CAMKMT: variants seen among roughly 807,000 people sequenced by gnomAD.
CAMKMT encodes the protein calmodulin-lysine N-methyltransferase, also known as CaM KMT.
A neutral mutation model predicts 48.0 loss-of-function variants in CAMKMT; 53 were observed. That is an observed-to-expected ratio of 1.10 (90% confidence interval 0.89 to 1.39). The LOEUF is 1.39. CAMKMT is among the 40% of genes most tolerant of loss of function. CAMKMT has a pLI of 0.00. For synonymous variants in CAMKMT, 165 were observed against 152.3 expected (o/e 1.08, Z -0.61); for missense variants, 428 against 402.7 (o/e 1.06, Z -0.54).
chr2:44,691,933 G>A (rs1676677394), intron 3 of CAMKMT, among the ~76,000 whole-genome samples: 1 of 152,162 alleles, frequency 6.6e-6, no homozygotes, highest in Non-Finnish European at 1.5e-5. Flanking sequence ...GATGTTCTTT[G>A]TGACCTGGCT....
At chr2:44,753,249 C>CAAAAAAAAAAA (rs772390371) in intron 8 of CAMKMT, among the ~76,000 whole-genome samples, 2 of 65,442 alleles carry the variant, frequency 3.1e-5, no homozygotes, top group Admixed American at 1.9e-4. Flanking sequence ...CCTGTCCCTA[C>CAAAAAAAAAAA]AAAAAAAAAA....
chr2:44,740,108 C>A (rs1679589122), intron 7 of CAMKMT, among the ~76,000 whole-genome samples: 1 of 145,308 alleles, frequency 6.9e-6, no homozygotes, highest in African/African-American at 2.6e-5. Context: ...TATGGAAGTT[C>A]TTAACTGATT....
At chr2:44,707,311 G>T in intron 5 of CAMKMT, 88 bp from the exon 6 acceptor site, 1 of 1,063,040 alleles carries the variant, frequency 9.4e-7, no homozygotes, top group Admixed American at 1.9e-5. Context: ...GAGGAAGCAT[G>T]ATACTGAAGG....
At chr2:44,402,746 T>TTG (rs1553380304) in intron 3 of CAMKMT, among the ~76,000 whole-genome samples, 8 of 149,082 alleles carry the variant, frequency 5.4e-5, no homozygotes, top group South Asian at 2.1e-4. Context: ...TGCTGTTTTT[T>TTG]TTTTTTTTTT....
intron 10 of CAMKMT, among the ~76,000 whole-genome samples, chr2:44,770,887 C>T (rs1239734418): frequency 6.6e-6 from 1 of 152,244 alleles, no homozygotes; most frequent in Non-Finnish European, 1.5e-5. Flanking sequence ...GAAGTCACCT[C>T]AGTGACTGTA....
At chr2:44,606,476 A>G (rs949014486) in intron 3 of CAMKMT, among the ~76,000 whole-genome samples, 4 of 152,212 alleles carry the variant, frequency 2.6e-5, no homozygotes, top group African/African-American at 9.6e-5. Context: ...AGATCCACAG[A>G]CTGGTACTAG....
chr2:44,469,760 A>T (rs1225205379), intron 3 of CAMKMT, among the ~76,000 whole-genome samples: 1 of 151,658 alleles, frequency 6.6e-6, no homozygotes, highest in Admixed American at 6.6e-5. Flanking sequence ...TCACATTTTC[A>T]GTTTTTATTT....
chr2:44,523,813 T>C (rs1377786735), intron 3 of CAMKMT, among the ~76,000 whole-genome samples: 1 of 130,978 alleles, frequency 7.6e-6, no homozygotes, highest in Non-Finnish European at 1.6e-5. Context: ...AGTCTCGCCC[T>C]GTCACCCAGG....
Position 44,480,722 on chromosome 2 carries a change from G to A in CAMKMT, c.376+90417G>A, listed in dbSNP as rs181539089. The stretch of plus-strand genomic sequence containing the variant: ...ATCTTAACGTATTTTGAAGGGAATA[G>A]GTTAAACTGTTACTCTTTTGGAGCT... On this transcript the variant is annotated intron_variant, in intron 3 of 10. Coordinates refer to ENST00000378494, the MANE Select transcript of CAMKMT (RefSeq NM_024766.5). Among the ~76,000 whole-genome samples the A allele has an allele frequency of 1.3e-3, 192 of 152,188 alleles. 3 individuals are homozygous for A. Among genetic ancestry groups the A allele is most frequent in the African/African-American group, 4.5e-3 (185 of 41,540 alleles).
intron 3 of CAMKMT, among the ~76,000 whole-genome samples, chr2:44,445,067 CA>C (rs1666899489): frequency 6.6e-6 from 1 of 152,098 alleles, no homozygotes; most frequent in South Asian, 2.1e-4. Context: ...TAGTTTCTGC[CA>C]ATTAAGCCAA....
chr2:44,710,304 A>C (rs926602920), intron 6 of CAMKMT, among the ~76,000 whole-genome samples: 5 of 152,034 alleles, frequency 3.3e-5, no homozygotes, highest in Non-Finnish European at 7.4e-5. Flanking sequence ...TTCCAACTTG[A>C]CTCTGAAAAG....
At chr2:44,534,788 A>G in intron 3 of CAMKMT, among the ~76,000 whole-genome samples, 1 of 152,106 alleles carries the variant, frequency 6.6e-6, no homozygotes, top group East Asian at 1.9e-4. Context: ...AAGATTTCAA[A>G]TAAATAATCT....
intron 3 of CAMKMT, among the ~76,000 whole-genome samples, chr2:44,613,323 C>T (rs1671694801): frequency 6.6e-6 from 1 of 152,144 alleles, no homozygotes; most frequent in Admixed American, 6.5e-5. Context: ...TGCCATACCC[C>T]ACCTCTCAGG....
At chr2:44,753,249 C>CAAAAAAAAAAAAAAAAAAAAAAAAAAAAA (rs772390371) in intron 8 of CAMKMT, among the ~76,000 whole-genome samples, 1 of 65,462 alleles carries the variant, frequency 1.5e-5, no homozygotes, top group Non-Finnish European at 2.9e-5. Flanking sequence ...CCTGTCCCTA[C>CAAAAAAAAAAAAAAAAAAAAAAAAAAAAA]AAAAAAAAAA....
chr2:44,621,006 C>A (rs1428899693), intron 3 of CAMKMT, among the ~76,000 whole-genome samples: 5 of 152,172 alleles, frequency 3.3e-5, no homozygotes, highest in Admixed American at 6.5e-5. Context: ...CGGTGGCTCA[C>A]GCCTATAATC....
intron 9 of CAMKMT, among the ~76,000 whole-genome samples, chr2:44,760,890 C>A (rs561297503): frequency 2.6e-5 from 4 of 152,280 alleles, no homozygotes; most frequent in Admixed American, 6.5e-5. Flanking sequence ...GAGAAGAGGA[C>A]AATGAATGGA....
At chr2:44,542,853 A>C (rs1455415366) in intron 3 of CAMKMT, among the ~76,000 whole-genome samples, 1 of 152,108 alleles carries the variant, frequency 6.6e-6, no homozygotes, top group Non-Finnish European at 1.5e-5. Flanking sequence ...TGTGTGTGGG[A>C]GATAAAACTG....
chr2:44,373,537 G>C (rs1679384161), intron 2 of CAMKMT, among the ~76,000 whole-genome samples: 1 of 152,116 alleles, frequency 6.6e-6, no homozygotes, highest in South Asian at 2.1e-4. Context: ...TGCCTTTTCT[G>C]ACAGTATTTC....
chr2:44,595,156 A>G (rs929953730), intron 3 of CAMKMT, among the ~76,000 whole-genome samples: 1 of 151,982 alleles, frequency 6.6e-6, no homozygotes, highest in East Asian at 1.9e-4. Context: ...GAAACAACAG[A>G]TGCTGGAGAG....
Sources: gnomAD v4.1 joint callset for allele counts (sites outside exome capture counted in the v4.1 genomes callset) on GRCh38, gnomAD v4.1.1 for gene constraint, MANE v1.5 for transcripts, NCBI Gene and HGNC (gene_info 2026-07-23, HGNC 2026-07-21) for gene names.